The following CEMIP variants were observed in gnomAD, a reference collection of about 807,000 sequenced individuals.
The protein encoded by CEMIP is cell migration inducing hyaluronidase 1, also known as cell migration-inducing and hyaluronan-binding protein.
In CEMIP, 105 loss-of-function variants were observed where a neutral mutation model predicts 156.9. The ratio of observed to expected loss-of-function variants is 0.67; its 90% CI spans 0.57 to 0.79. CEMIP has a LOEUF of 0.79. Among genes scored for constraint, CEMIP ranks in the 30% least tolerant of loss-of-function variants. The pLI, the probability that CEMIP is intolerant of heterozygous loss-of-function variation, is 0.00. For missense variants in CEMIP, 1,457 were observed against 1,769.4 expected, an observed-to-expected ratio of 0.82 and a Z score of 3.17; for synonymous variants, 676 against 668.4, an observed-to-expected ratio of 1.01 and a Z score of -0.17.
intron 14 of CEMIP, chr15:80,909,595 G>C (rs1284940098): frequency 2.0e-6 from 1 of 511,794 alleles, no homozygotes; most frequent in East Asian, 5.3e-5. Context: ...ATGAAATCTG[G>C]AGATCATTCC....
chr15:80,874,122 T>C (rs1443869856), intron 3 of CEMIP, 149 bp downstream of exon 3: 6 of 727,878 alleles, frequency 8.2e-6, no homozygotes, highest in African/African-American at 3.5e-5. Context: ...ACTAAACTCC[T>C]TGGTCCCCGG....
At chr15:80,865,157 A>G (rs756838014) in intron 1 of CEMIP, among the ~76,000 whole-genome samples, 2 of 152,136 alleles carry the variant, frequency 1.3e-5, no homozygotes, top group African/African-American at 2.4e-5. Flanking sequence ...TACCTAGTGC[A>G]ACTGAGGAAC....
chr15:80,931,725 G>GT (rs1291168250), intron 21 of CEMIP, 134 bp from the exon 22 acceptor site: 5 of 808,382 alleles, frequency 6.2e-6, no homozygotes, highest in East Asian at 5.0e-5. Context: ...ATCAGGAATG[G>GT]TTTTACCCAG....
Position 80,884,219 on chromosome 15 carries a change from A to G in CEMIP, c.662A>G (p.Gln221Arg), listed in dbSNP as rs763926290. 4 of 1,614,230 alleles carry G rather than the reference A, an allele frequency of 2.5e-6. No homozygotes were observed. The highest frequency in any genetic ancestry group is 3.4e-6 in the Non-Finnish European group (4 of 1,180,028). ...AAGAAAGAGAGTGAACGTCTGGTCC[A>G]GTATTTGAACGCGGTGCCCGATGGC... ...RSKKESERLV[Q>R]YLNAVPDGRI... The change falls in exon 7 of 30, where the codon CAG becomes CGG. Residue 221 changes from glutamine (Q) to arginine (R), a missense_variant. Gln to Arg is a conservative substitution (Grantham distance 43, BLOSUM62 1). Coordinates refer to ENST00000394685, the MANE Select transcript of CEMIP (RefSeq NM_001293298.2).
intron 17 of CEMIP, 43 bp downstream of exon 17, chr15:80,922,180 C>A: frequency 1.2e-6 from 2 of 1,612,626 alleles, no homozygotes; most frequent in South Asian, 2.2e-5. Context: ...GCCTCTCGGT[C>A]CCCTTCCCAG....
chr15:80,780,275 G>T (rs1467151617), intron 1 of CEMIP, among the ~76,000 whole-genome samples: 2 of 152,264 alleles, frequency 1.3e-5, no homozygotes, highest in East Asian at 3.9e-4. Flanking sequence ...ATCGCTGGAA[G>T]AAGGTCTGGT....
chr15:80,788,471 C>CAAAAAAA (rs11320710), intron 1 of CEMIP, among the ~76,000 whole-genome samples: 2 of 79,136 alleles, frequency 2.5e-5, no homozygotes, highest in Admixed American at 1.4e-4. Context: ...AACTCCATCT[C>CAAAAAAA]AAAAAAAAAA....
intron 14 of CEMIP, among the ~76,000 whole-genome samples, chr15:80,911,322 G>A (rs1167388825): frequency 2.6e-5 from 4 of 152,276 alleles, no homozygotes; most frequent in East Asian, 1.9e-4. Context: ...ATGTAGAATT[G>A]GTTAGGAAAG....
At chr15:80,926,979 C>T (rs1448028229) in intron 19 of CEMIP, among the ~76,000 whole-genome samples, 1 of 152,022 alleles carries the variant, frequency 6.6e-6, no homozygotes, top group Non-Finnish European at 1.5e-5. Flanking sequence ...TACAAGCGTG[C>T]ACCACCACGC....
chr15:80,893,543 C>T (rs1005185178), intron 10 of CEMIP, among the ~76,000 whole-genome samples: 9 of 152,168 alleles, frequency 5.9e-5, no homozygotes, highest in Admixed American at 1.3e-4. Flanking sequence ...GAACATGCTA[C>T]CCTCAGGGGA....
At chr15:80,799,738 C>CA (rs1026939351) in intron 1 of CEMIP, among the ~76,000 whole-genome samples, 3 of 152,134 alleles carry the variant, frequency 2.0e-5, no homozygotes, top group Non-Finnish European at 4.4e-5. Flanking sequence ...TATTCAGCCA[C>CA]AAAAAATAAT....
At chr15:80,944,950 C>A (rs988820382) in intron 28 of CEMIP, among the ~76,000 whole-genome samples, 7 of 152,212 alleles carry the variant, frequency 4.6e-5, no homozygotes, top group Non-Finnish European at 7.3e-5. Flanking sequence ...GGCACCCAGG[C>A]AGGCATTGGT....
chr15:80,866,254 A>T (rs1300142639), intron 1 of CEMIP, among the ~76,000 whole-genome samples: 1 of 152,180 alleles, frequency 6.6e-6, no homozygotes, highest in Non-Finnish European at 1.5e-5. Flanking sequence ...GTGGTTCCCC[A>T]TTGGAAATTT....
chr15:80,780,124 A>G (rs868799577), intron 1 of CEMIP, among the ~76,000 whole-genome samples: 1 of 152,022 alleles, frequency 6.6e-6, no homozygotes, highest in Non-Finnish European at 1.5e-5. Context: ...TCTTCCTCCC[A>G]GTTTCCCTCG....
In CEMIP at chr15:80,870,149, C is replaced by G. The variant is rs151234695; in HGVS notation, c.-175-3389C>G. ...TGGCTGGGATTGAAGACTCTGGAGCCCATGCTCCTGGCTACCCCACCGTCC... is the reference window on the plus strand; with the variant it reads ...TGGCTGGGATTGAAGACTCTGGAGCGCATGCTCCTGGCTACCCCACCGTCC... On this transcript the variant is annotated intron_variant, in intron 1 of 29. Transcript: ENST00000394685. Among the ~76,000 whole-genome samples, 572 of 152,250 alleles carry G rather than the reference C, an allele frequency of 3.8e-3. 1 individual carries two copies. Among genetic ancestry groups the G allele is most frequent in the African/African-American group, 0.013 (540 of 41,540 alleles).
chr15:80,909,969 C>G (rs1036519454), intron 14 of CEMIP, among the ~76,000 whole-genome samples: 2 of 152,184 alleles, frequency 1.3e-5, no homozygotes, highest in African/African-American at 4.8e-5. Context: ...TTTAGAGAAA[C>G]ATTTGAACAT....
chr15:80,800,949 C>G (rs1175786092), intron 1 of CEMIP, among the ~76,000 whole-genome samples: 1 of 152,228 alleles, frequency 6.6e-6, no homozygotes. Flanking sequence ...TCCTCTCCAG[C>G]TTCTTGTCCA....
chr15:80,909,165 G>A lies in CEMIP; in HGVS notation c.1656G>A (p.Val552=), dbSNP rs1899938606. ...TELKHMGQQL[V]GQYPIHFHLA... The stretch of plus-strand genomic sequence containing the variant: ...TGAAGCATATGGGACAGCAGCTGGT[G>A]GGTCAGTACCCGATTCACTTCCACC... The change falls in exon 14 of 30, where the codon GTG becomes GTA. Residue 552 remains valine, a synonymous_variant. Coordinates refer to ENST00000394685, the MANE Select transcript of CEMIP (RefSeq NM_001293298.2). 5 of 1,614,144 alleles carry A rather than the reference G, an allele frequency of 3.1e-6. No individual in the cohort carries two copies. Among genetic ancestry groups the A allele is most frequent in the Admixed American group, 3.3e-5 (2 of 60,014 alleles).
intron 1 of CEMIP, among the ~76,000 whole-genome samples, chr15:80,835,081 C>CAGAGAG (rs36062989): frequency 6.6e-6 from 1 of 150,654 alleles, no homozygotes; most frequent in African/African-American, 2.4e-5. Flanking sequence ...GTCCTCATTG[C>CAGAGAG]AGAGAGAGAG....
Sources: gnomAD v4.1 joint callset for allele counts (sites outside exome capture counted in the v4.1 genomes callset) on GRCh38, gnomAD v4.1.1 for gene constraint, MANE v1.5 for transcripts, NCBI Gene and HGNC (gene_info 2026-07-23, HGNC 2026-07-21) for gene names.